The following ULK2 variants were observed in gnomAD, a reference collection of about 807,000 sequenced individuals.
ULK2 encodes the protein serine/threonine-protein kinase ULK2.
Under a neutral mutation model 127.5 loss-of-function variants are expected in ULK2, and 76 were observed. That is an observed-to-expected ratio of 0.60 (90% CI 0.50 to 0.72). The LOEUF (loss-of-function observed/expected upper bound fraction) is 0.72. ULK2 is among the 30% of genes least tolerant of loss of function. The probability of loss-of-function intolerance (pLI) is 0.00; values close to 1 mark genes in which losing one functional copy is unlikely to be tolerated. For missense variants in ULK2, 1,144 were observed against 1,295.9 expected, an observed-to-expected ratio of 0.88 and a Z score of 1.80; for synonymous variants, 452 against 461.9, an observed-to-expected ratio of 0.98 and a Z score of 0.28.
At chr17:19,798,892 G>A (rs1322113027) in intron 17 of ULK2, among the ~76,000 whole-genome samples, 1 of 152,138 alleles carries the variant, frequency 6.6e-6, no homozygotes, top group African/African-American at 2.4e-5. Context: ...GCCGGGCATG[G>A]TGGCTCACAC....
intron 3 of ULK2, among the ~76,000 whole-genome samples, chr17:19,854,620 C>A (rs191512495): frequency 1.3e-5 from 2 of 152,084 alleles, no homozygotes; most frequent in Admixed American, 1.3e-4. Context: ...CCTACATTAT[C>A]CCTTTGTACA....
At position 19,862,462 on chromosome 17, in the gene ULK2, T is replaced by A. The variant is rs931434360; in HGVS notation, c.225+2341A>T. ...TGTTATGATATGACCACATGAAAAA[T>A]GACAATTTTTTTTTTTTGTTTGAGA... On this transcript the variant is annotated intron_variant, in intron 3 of 26. Transcript: ENST00000395544. Among the ~76,000 whole-genome samples the A allele has an allele frequency of 4.6e-5, 7 of 151,568 alleles. No homozygotes were observed. In the East Asian group the frequency reaches 1.4e-3, roughly 29 times the overall value.
At chr17:19,850,181 T>A (rs1178193981) in intron 3 of ULK2, among the ~76,000 whole-genome samples, 2 of 152,192 alleles carry the variant, frequency 1.3e-5, no homozygotes, top group East Asian at 3.8e-4. Context: ...AACAGCATAA[T>A]CCTCCCTAGC....
chr17:19,834,903 T>C (rs1390216303), intron 10 of ULK2, among the ~76,000 whole-genome samples: 2 of 149,730 alleles, frequency 1.3e-5, no homozygotes, highest in Non-Finnish European at 3.0e-5. Context: ...AGTGAGACTC[T>C]GTCTCAGAAA....
In ULK2 at chr17:19,772,005, A is replaced by G. The variant is rs2086742365; in HGVS notation, c.*4344T>C. On this transcript the variant is annotated 3_prime_UTR_variant, in exon 27 of 27. Coordinates refer to ENST00000395544, the MANE Select transcript of ULK2 (RefSeq NM_014683.4). Reference sequence around the variant, plus strand: ...CTCTGTGAAAAGTGGAAAAACCTACAGATTGATCCCACCTGTTCAGAGCAA... The same window carrying G: ...CTCTGTGAAAAGTGGAAAAACCTACGGATTGATCCCACCTGTTCAGAGCAA... 6.6e-6 allele frequency: 1 copy of G among 152,382 alleles called. No homozygotes were observed. Among genetic ancestry groups the G allele is most frequent in the African/African-American group, 2.4e-5 (1 of 41,476 alleles). The allele number at this position is 152,382 out of a possible 1,614,324, so 9.4% of individuals were successfully genotyped here.
chr17:19,845,093 CA>C lies in ULK2; in HGVS notation c.543+210del, dbSNP rs2041848778. On this transcript the variant is annotated intron_variant, in intron 7 of 26. Transcript: ENST00000395544. The stretch of plus-strand genomic sequence containing the variant: ...ACTAATCTTTTTTAAAAAATAAAAA[CA>C]AATGGGCAAAAATGACTTACTTTTA... 2.0e-5 allele frequency among the ~76,000 whole-genome samples: 3 copies of C among 152,034 alleles called. No homozygotes were observed. The South Asian group carries it at 6.2e-4, about 31-fold the overall frequency.
chr17:19,812,734 T>A (rs996061276), intron 13 of ULK2, among the ~76,000 whole-genome samples: 5 of 152,228 alleles, frequency 3.3e-5, no homozygotes, highest in African/African-American at 1.2e-4. Context: ...TCTCCCACCA[T>A]CATAAAGTCA....
intron 8 of ULK2, among the ~76,000 whole-genome samples, chr17:19,842,255 T>C (rs1267701183): frequency 7.0e-6 from 1 of 143,794 alleles, no homozygotes. Context: ...TGGAGTGCAA[T>C]GGTGTGATCT....
intron 20 of ULK2, among the ~76,000 whole-genome samples, chr17:19,790,452 G>A (rs1183275343): frequency 3.3e-5 from 5 of 152,002 alleles, no homozygotes; most frequent in African/African-American, 1.2e-4. Context: ...TGAATCAATG[G>A]ATAGTATTTA....
intron 3 of ULK2, among the ~76,000 whole-genome samples, chr17:19,858,965 G>A (rs753137196): frequency 2.6e-5 from 4 of 151,432 alleles, no homozygotes; most frequent in East Asian, 3.9e-4. Flanking sequence ...GTGAAACTCC[G>A]TCTCAAAAAA....
rs567067966 is a variant in ULK2, at chr17:19,859,106, A to G, written c.225+5697T>C. ...GCAGTTCGAGACCAGCCTGGGCAACATAGTGACCTCATCTCTATTAATTAA... is the reference window on the plus strand; with the variant it reads ...GCAGTTCGAGACCAGCCTGGGCAACGTAGTGACCTCATCTCTATTAATTAA... On this transcript the variant is annotated intron_variant, in intron 3 of 26. Coordinates refer to ENST00000395544, the MANE Select transcript of ULK2 (RefSeq NM_014683.4). 1.2e-4 allele frequency among the ~76,000 whole-genome samples: 18 copies of G among 152,370 alleles called. No individual in the cohort carries two copies. In the South Asian group the frequency reaches 3.5e-3, roughly 30 times the overall value.
rs150389749 is a variant in ULK2 at position 19,794,699 on chromosome 17, T to C, written c.2101+923A>G. ...AGATATTTCCTCCTTTGGATGCTCATGGGGAAAATTAAAAAGTCATAGAGA... is the reference window on the plus strand; with the variant it reads ...AGATATTTCCTCCTTTGGATGCTCACGGGGAAAATTAAAAAGTCATAGAGA... On this transcript the variant is annotated intron_variant, in intron 20 of 26. Transcript: ENST00000395544. 2.3e-3 allele frequency among the ~76,000 whole-genome samples: 310 copies of C among 135,834 alleles called. 1 individual carries two copies. The highest frequency in any genetic ancestry group is 8.5e-3 in the African/African-American group (301 of 35,340). The allele number at this position is 135,834 out of a possible 152,430, so 89.1% of individuals were successfully genotyped here. A position where few individuals can be genotyped will look rare whatever the true frequency, so the allele number is the denominator to read the frequency against.
chr17:19,857,149 TAC>T (rs2042151021), intron 3 of ULK2, among the ~76,000 whole-genome samples: 2 of 149,960 alleles, frequency 1.3e-5, no homozygotes, highest in Non-Finnish European at 3.0e-5. Context: ...CTACCAAAAA[TAC>T]AGACATTAGC....
chr17:19,846,602 T>TAC, intron 6 of ULK2, 135 bp downstream of exon 6: 2 of 1,015,982 alleles, frequency 2.0e-6, no homozygotes, highest in Non-Finnish European at 2.8e-6. Flanking sequence ...ATCGCGCCAC[T>TAC]ACACGCCAGC....
chr17:19,807,798 T>C (rs185681650), intron 14 of ULK2, among the ~76,000 whole-genome samples: 4 of 152,294 alleles, frequency 2.6e-5, no homozygotes, highest in Admixed American at 6.5e-5. Flanking sequence ...AACTGTGCAC[T>C]GAGGGCCCCC....
chr17:19,833,463 CT>C (rs2041514659), intron 10 of ULK2, among the ~76,000 whole-genome samples: 1 of 151,820 alleles, frequency 6.6e-6, no homozygotes. Flanking sequence ...AATCCCAGCA[CT>C]TTAGGAGGCC....
At chr17:19,845,476 T>G (rs2041859120) in intron 6 of ULK2, 99 bp from the exon 7 acceptor site, 3 of 905,520 alleles carry the variant, frequency 3.3e-6, no homozygotes, top group Non-Finnish European at 3.5e-6. Context: ...CACAAAGGAC[T>G]GTGAAAAATA....
At chr17:19,816,703 T>A (rs775397006) in intron 13 of ULK2, 46 bp downstream of exon 13, 2 of 1,467,858 alleles carry the variant, frequency 1.4e-6, no homozygotes, top group Non-Finnish European at 1.8e-6. Flanking sequence ...GATGCTAGTT[T>A]AGTAGATTAA....
intron 14 of ULK2, among the ~76,000 whole-genome samples, chr17:19,808,669 G>GAAAAGATGTTC: frequency 6.6e-6 from 1 of 152,268 alleles, no homozygotes; most frequent in African/African-American, 2.4e-5. Flanking sequence ...AGAAGTATAA[G>GAAAAGATGTTC]AAAAGATGTT....
Sources: allele counts gnomAD v4.1 joint callset (sites outside exome capture counted in the v4.1 genomes callset), GRCh38; gene constraint gnomAD v4.1.1; transcripts MANE v1.5; gene names NCBI Gene and HGNC (gene_info 2026-07-23, HGNC 2026-07-21).